PLA2G4A: variants seen among roughly 807,000 people sequenced by gnomAD.
The protein encoded by PLA2G4A is phospholipase A2 group IVA.
A neutral mutation model predicts 81.9 loss-of-function variants in PLA2G4A; 40 were observed. The observed-to-expected ratio is 0.49, with a 90% CI of 0.38 to 0.64. The LOEUF is 0.64. Ranked by LOEUF, PLA2G4A falls within the 30% of genes least tolerant of loss-of-function variation. The pLI, the probability that PLA2G4A is intolerant of heterozygous loss-of-function variation, is 0.00. For missense variants in PLA2G4A, 715 were observed against 905.1 expected, an observed-to-expected ratio of 0.79 and a Z score of 2.69; for synonymous variants, 302 against 296.9, an observed-to-expected ratio of 1.02 and a Z score of -0.18.
chr1:186,901,858 C>T (rs1257114642), intron 5 of PLA2G4A, among the ~76,000 whole-genome samples: 1 of 152,040 alleles, frequency 6.6e-6, no homozygotes. Context: ...GGGGGGTGGA[C>T]ACAATTATCC....
intron 5 of PLA2G4A, among the ~76,000 whole-genome samples, chr1:186,905,045 G>C (rs992071531): frequency 2.6e-5 from 4 of 152,082 alleles, no homozygotes; most frequent in African/African-American, 7.2e-5. Context: ...AGTAGAGATG[G>C]GATTTCGCCA....
rs59250699 is a variant in PLA2G4A at position 186,948,819 on chromosome 1, T to C, written c.1265-1838T>C. ...TCAGACTGAGGGGGAATATCGTGTA[T>C]GTGTGATCCGCCAGTCAGCAGGAAG... On this transcript the variant is annotated intron_variant, in intron 12 of 17. Transcript: ENST00000367466. Among the ~76,000 whole-genome samples, 822 of 152,222 alleles carry C rather than the reference T, an allele frequency of 5.4e-3. 6 individuals carry two copies. Among genetic ancestry groups the C allele is most frequent in the African/African-American group, 0.019 (789 of 41,540 alleles).
intron 3 of PLA2G4A, among the ~76,000 whole-genome samples, chr1:186,882,581 C>T (rs909228809): frequency 1.2e-4 from 19 of 152,010 alleles, no homozygotes; most frequent in African/African-American, 4.6e-4. Context: ...AGAAGGGTCA[C>T]TGACTAGAGG....
chr1:186,895,876 A>C (rs1262538316), intron 5 of PLA2G4A, among the ~76,000 whole-genome samples: 1 of 152,166 alleles, frequency 6.6e-6, no homozygotes, highest in Non-Finnish European at 1.5e-5. Context: ...AATAACACTT[A>C]ACTCTTCCGT....
intron 15 of PLA2G4A, among the ~76,000 whole-genome samples, chr1:186,968,909 A>AT (rs397768995): frequency 2.0e-5 from 3 of 150,568 alleles, no homozygotes; most frequent in Non-Finnish European, 4.4e-5. Flanking sequence ...GTAAAAAAAA[A>AT]TTTATACAAT....
chr1:186,982,179 A>G (rs533820833), intron 17 of PLA2G4A, among the ~76,000 whole-genome samples: 1 of 152,360 alleles, frequency 6.6e-6, no homozygotes, highest in South Asian at 2.1e-4. Flanking sequence ...CATTAGCCAT[A>G]AAGGGCAATC....
At chr1:186,893,253 G>A in intron 4 of PLA2G4A, 94 bp downstream of exon 4, 1 of 1,075,406 alleles carries the variant, frequency 9.3e-7, no homozygotes. Flanking sequence ...GTTCCTGTTA[G>A]CTATAGTTGG....
chr1:186,908,968 C>CTTTTTTTTTTTT lies in PLA2G4A; in HGVS notation c.416+1978_416+1989dup, dbSNP rs1201226836. ...GTAAGATTTTAATTTCTTTTCTTTT[C>CTTTTTTTTTTTT]TTTTTTTTTTTTTTTTTTTTTTTGA... On this transcript the variant is annotated intron_variant, in intron 6 of 17. Transcript: ENST00000367466. Among the ~76,000 whole-genome samples, 30 of 75,082 alleles carry CTTTTTTTTTTTT rather than the reference C, an allele frequency of 4.0e-4. 1 individual carries two copies. Among genetic ancestry groups the CTTTTTTTTTTTT allele is most frequent in the Middle Eastern group, 0.011 (1 of 88 alleles). 49.3% of individuals were successfully genotyped at this position (75,082 alleles called of 152,430 possible). A position where few individuals can be genotyped will look rare whatever the true frequency, so the allele number is the denominator to read the frequency against.
intron 15 of PLA2G4A, among the ~76,000 whole-genome samples, chr1:186,970,638 T>TC (rs1439407578): frequency 2.0e-5 from 3 of 152,116 alleles, no homozygotes; most frequent in Admixed American, 2.0e-4. Flanking sequence ...TATTCAGTTT[T>TC]CCCGGAACCA....
rs114219226 is a variant in PLA2G4A, at chr1:186,851,360, C to T, written c.-69-2926C>T. Among the ~76,000 whole-genome samples, 1,011 of 150,886 alleles carry T rather than the reference C, an allele frequency of 6.7e-3. 20 individuals are homozygous for T. Among genetic ancestry groups the T allele is most frequent in the African/African-American group, 0.023 (963 of 41,292 alleles). On this transcript the variant is annotated intron_variant, in intron 1 of 17. Coordinates refer to ENST00000367466, the MANE Select transcript of PLA2G4A (RefSeq NM_024420.3). ...TATGTGGACCATCATATGCATAGAA[C>T]GCTTCATATTAAGAAATCACTTCTG...
chr1:186,921,676 C>G (rs1558440194), intron 7 of PLA2G4A, among the ~76,000 whole-genome samples: 1 of 151,940 alleles, frequency 6.6e-6, no homozygotes, highest in Non-Finnish European at 1.5e-5. Flanking sequence ...AGTGGGGAGC[C>G]CTTCCTTTTG....
rs1657199199 is a variant in PLA2G4A at position 186,968,139 on chromosome 1, G to T, written c.1764+2546G>T. On this transcript the variant is annotated intron_variant, in intron 15 of 17. Coordinates refer to ENST00000367466, the MANE Select transcript of PLA2G4A (RefSeq NM_024420.3). ...TGTATTATTCATTTCACCAATGGGG[G>T]TATAAAATGTCAAAGCCATCATTTT... Among the ~76,000 whole-genome samples, 4 of 152,100 alleles carry T rather than the reference G, an allele frequency of 2.6e-5. No homozygotes were observed. The South Asian group carries it at 6.2e-4, about 24-fold the overall frequency.
chr1:186,870,227 G>C (rs1377728032), intron 2 of PLA2G4A, among the ~76,000 whole-genome samples: 1 of 152,172 alleles, frequency 6.6e-6, no homozygotes, highest in Non-Finnish European at 1.5e-5. Flanking sequence ...TCATAGTCAA[G>C]CTGTAGTGAC....
rs1557887806 is a variant in PLA2G4A, at chr1:186,949,360, G to GAA, written c.1265-1296_1265-1295insAA. Among the ~76,000 whole-genome samples, 51 of 108,918 alleles carry GAA rather than the reference G, an allele frequency of 4.7e-4. No homozygotes were observed. The South Asian group carries it at 0.011, about 23-fold the overall frequency. 71.5% of individuals were successfully genotyped at this position (108,918 alleles called of 152,430 possible). A position where few individuals can be genotyped will look rare whatever the true frequency, so the allele number is the denominator to read the frequency against. On this transcript the variant is annotated intron_variant, in intron 12 of 17. Coordinates refer to ENST00000367466, the MANE Select transcript of PLA2G4A (RefSeq NM_024420.3). ...GAAGAAAGAAAGAGAAAGAAAGAAA[G>GAA]AGAAAGAAAGAAAAGAAAGAAAGAA...
chr1:186,872,066 G>A (rs1239951177), intron 3 of PLA2G4A, among the ~76,000 whole-genome samples: 2 of 151,998 alleles, frequency 1.3e-5, no homozygotes, highest in African/African-American at 4.8e-5. Flanking sequence ...CAAGAGTTTT[G>A]GCTGAGCAGT....
rs76428186 is a variant in PLA2G4A, at chr1:186,926,950, A to T, written c.559-5813A>T. ...AAATTTACCATGGCCTAATTTTTAA[A>T]TTAGTTTTCCTGGCTGTATAATGAA... On this transcript the variant is annotated intron_variant, in intron 7 of 17. Coordinates refer to ENST00000367466, the MANE Select transcript of PLA2G4A (RefSeq NM_024420.3). Among the ~76,000 whole-genome samples, 1,009 of 152,350 alleles carry T rather than the reference A, an allele frequency of 6.6e-3. 16 individuals carry two copies. Among genetic ancestry groups the T allele is most frequent in the African/African-American group, 0.024 (981 of 41,580 alleles).
At chr1:186,846,989 C>A (rs745620251) in intron 1 of PLA2G4A, among the ~76,000 whole-genome samples, 15 of 151,654 alleles carry the variant, frequency 9.9e-5, no homozygotes, top group Non-Finnish European at 2.1e-4. Context: ...CTCCTTTTTG[C>A]AATTATTGTT....
chr1:186,833,889 C>T (rs1165617755), intron 1 of PLA2G4A, among the ~76,000 whole-genome samples: 1 of 152,168 alleles, frequency 6.6e-6, no homozygotes, highest in Non-Finnish European at 1.5e-5. Flanking sequence ...TTATCAGTGT[C>T]AGAGTTTAGC....
chr1:186,941,639 T>C (rs1229019140), intron 10 of PLA2G4A, among the ~76,000 whole-genome samples: 40 of 152,216 alleles, frequency 2.6e-4, no homozygotes, highest in Admixed American at 2.6e-3. Flanking sequence ...TTCTTTTTAT[T>C]TTACCATACT....
Sources: allele counts gnomAD v4.1 joint callset (sites outside exome capture counted in the v4.1 genomes callset), GRCh38; gene constraint gnomAD v4.1.1; transcripts MANE v1.5; gene names NCBI Gene and HGNC (gene_info 2026-07-23, HGNC 2026-07-21).